The following B4GALNT3 variants were observed in gnomAD, a reference collection of about 807,000 sequenced individuals.
B4GALNT3 encodes beta-1,4-N-acetylgalactosaminyltransferase 3.
B4GALNT3 carries 86 observed loss-of-function variants against 120.2 expected under a neutral mutation model. That is an observed-to-expected ratio of 0.72 (90% CI 0.60 to 0.86). The LOEUF (loss-of-function observed/expected upper bound fraction) is 0.86. Among genes scored for constraint, B4GALNT3 ranks in the 40% least tolerant of loss-of-function variants. The pLI, the probability that B4GALNT3 is intolerant of heterozygous loss-of-function variation, is 0.00. For missense variants in B4GALNT3, 1,167 were observed against 1,298.9 expected (o/e 0.90, Z 1.56); for synonymous variants, 518 against 510.4 (o/e 1.01, Z -0.20).
At chr12:511,469 CCTTCTTCCACCTT>C (rs781022101) in intron 1 of B4GALNT3, among the ~76,000 whole-genome samples, 736 of 44,290 alleles carry the variant, frequency 0.017, 1 homozygote, top group Admixed American at 0.052. Context: ...CCACCTTCCA[CCTTCTTCCACCTT>C]CTTCCACCTT....
At chr12:482,850 C>A (rs1946254467) in intron 1 of B4GALNT3, among the ~76,000 whole-genome samples, 1 of 152,124 alleles carries the variant, frequency 6.6e-6, no homozygotes, top group African/African-American at 2.4e-5. Flanking sequence ...CCAGCCTGGG[C>A]AACATAGTGA....
intron 1 of B4GALNT3, among the ~76,000 whole-genome samples, chr12:476,003 C>G (rs778042846): frequency 2.0e-5 from 3 of 152,214 alleles, no homozygotes; most frequent in Non-Finnish European, 2.9e-5. Context: ...CTGTTGTGCC[C>G]TCCAGGCCAT....
rs372413368 is a variant in B4GALNT3, at chr12:556,625, T to C, written c.2139T>C (p.Leu713=). 32 of 1,613,850 alleles carry C rather than the reference T, an allele frequency of 2.0e-5. 2 individuals are homozygous for C. In the African/African-American group the frequency reaches 2.3e-4, roughly 11 times the overall value. ...QLRGGRYLLE[L]ELLEQGQRVV... Reference sequence around the variant, plus strand: ...GTGGGGGTCGCTACCTCCTGGAGCTTGAACTGTTGGAACAAGGCCAGCGCG... The same window carrying C: ...GTGGGGGTCGCTACCTCCTGGAGCTCGAACTGTTGGAACAAGGCCAGCGCG... Residue 713 remains leucine (L), a synonymous_variant, in exon 15 of 20, where the codon CTT becomes CTC. Transcript: ENST00000266383.
intron 1 of B4GALNT3, among the ~76,000 whole-genome samples, chr12:532,614 A>G (rs1245134298): frequency 6.6e-6 from 1 of 151,970 alleles, no homozygotes; most frequent in Non-Finnish European, 1.5e-5. Flanking sequence ...TGCTAAAGGC[A>G]AGGGTGGGAG....
At chr12:552,885 G>T (rs867300124) in intron 13 of B4GALNT3, 15 of 497,642 alleles carry the variant, frequency 3.0e-5, no homozygotes, top group Non-Finnish European at 4.7e-5. Flanking sequence ...GGATTAGGGC[G>T]TGGCTGGGAC....
intron 19 of B4GALNT3, among the ~76,000 whole-genome samples, chr12:560,228 C>G (rs567294672): frequency 6.6e-6 from 1 of 152,286 alleles, no homozygotes; most frequent in African/African-American, 2.4e-5. Flanking sequence ...GTAACAGCGT[C>G]CACAGGAGGT....
In B4GALNT3 at chr12:520,898, C is replaced by G. The variant is rs146403335; in HGVS notation, c.170-14268C>G. 5.4e-3 allele frequency among the ~76,000 whole-genome samples: 820 copies of G among 152,328 alleles called. 6 individuals carry two copies. The highest frequency in any genetic ancestry group is 0.018 in the African/African-American group (756 of 41,580). On this transcript the variant is annotated intron_variant, in intron 1 of 19. Coordinates refer to ENST00000266383, the MANE Select transcript of B4GALNT3 (RefSeq NM_173593.4). ...CACATTGTCTGCCTGCATGGGAACT[C>G]ACTTTTCCCTGGGAACTCACTTTTC...
chr12:542,266 AG>A (rs1946927083), intron 3 of B4GALNT3, among the ~76,000 whole-genome samples: 1 of 152,042 alleles, frequency 6.6e-6, no homozygotes, highest in Admixed American at 6.5e-5. Flanking sequence ...TCCAGCATTG[AG>A]GCAGTGTTCC....
chr12:526,586 T>C (rs1348107369), intron 1 of B4GALNT3, among the ~76,000 whole-genome samples: 1 of 152,190 alleles, frequency 6.6e-6, no homozygotes, highest in Admixed American at 6.5e-5. Flanking sequence ...GGGTCTTAAG[T>C]CAAAATTCCC....
chr12:559,447 C>G (rs528552783), intron 19 of B4GALNT3, 26 bp downstream of exon 19: 1 of 1,610,988 alleles, frequency 6.2e-7, no homozygotes, highest in Non-Finnish European at 8.5e-7. Flanking sequence ...AGGGCATCCA[C>G]GAGGCCTGGG....
intron 1 of B4GALNT3, among the ~76,000 whole-genome samples, chr12:533,832 G>T (rs140510132): frequency 1.3e-5 from 2 of 152,148 alleles, no homozygotes; most frequent in African/African-American, 4.8e-5. Context: ...GCATTTCAGC[G>T]TGCAGCCCCT....
At position 548,637 on chromosome 12, in the gene B4GALNT3, C is replaced by T. The variant is rs955001677; in HGVS notation, c.853+340C>T. Among the ~76,000 whole-genome samples, 3 of 152,232 alleles carry T rather than the reference C, an allele frequency of 2.0e-5. No homozygotes were observed. The highest frequency in any genetic ancestry group is 2.1e-4 in the South Asian group (1 of 4,820). ...GATCTAAAAACTCTGAGGCTGGGTG[C>T]GGTGGCTCATACCTGTAATCCCAGC... On this transcript the variant is annotated intron_variant, in intron 9 of 19. Transcript: ENST00000266383. The surrounding 1 kb of genome is among the most constrained non-coding windows in gnomAD (Gnocchi z 4.9).
intron 1 of B4GALNT3, among the ~76,000 whole-genome samples, chr12:463,776 G>A (rs375933785): frequency 6.6e-5 from 10 of 152,278 alleles, no homozygotes; most frequent in East Asian, 5.8e-4. Context: ...AAAGAGTTAC[G>A]TCAACAAAGA....
At chr12:530,735 T>A (rs1946798680) in intron 1 of B4GALNT3, among the ~76,000 whole-genome samples, 1 of 151,924 alleles carries the variant, frequency 6.6e-6, no homozygotes. Flanking sequence ...TATGCGAGAG[T>A]CTTAGAAAAA....
chr12:548,124 C>A lies in B4GALNT3; in HGVS notation c.786+22C>A. On this transcript the variant is annotated intron_variant, in intron 8 of 19. Coordinates refer to ENST00000266383, the MANE Select transcript of B4GALNT3 (RefSeq NM_173593.4). The surrounding 1 kb of genome is among the most constrained non-coding windows in gnomAD (Gnocchi z 4.9). ...TGCAGTGAGTTTCCTGCTGCTCCCG[C>A]CTCTCCCAGCTCAGTTCCTGGCACT... 1 of 1,612,582 alleles carries A rather than the reference C, an allele frequency of 6.2e-7. No homozygotes were observed. Among genetic ancestry groups the A allele is most frequent in the Non-Finnish European group, 8.5e-7 (1 of 1,178,618 alleles).
intron 1 of B4GALNT3, among the ~76,000 whole-genome samples, chr12:463,833 T>C (rs942743106): frequency 6.6e-6 from 1 of 151,992 alleles, no homozygotes; most frequent in Non-Finnish European, 1.5e-5. Context: ...AGCAGCTGAG[T>C]TTGGTGAAAC....
Position 553,711 on chromosome 12 carries a change from C to A in B4GALNT3, c.1788C>A (p.Ala596=). ...ATGGGGAGGAGGAAGTGGTGGCGGC[C>A]GCAGGCCAGGAAGGACAAGTGGAGG... is the stretch of plus-strand genomic sequence containing the variant. ...GWHGEEEVVA[A]AGQEGQVEGE... Residue 596 remains alanine, a synonymous_variant, in exon 14 of 20, where the codon GCC becomes GCA. Transcript: ENST00000266383. 1.2e-6 allele frequency: 2 copies of A among 1,613,882 alleles called. No homozygotes were observed. The highest frequency in any genetic ancestry group is 1.7e-6 in the Non-Finnish European group (2 of 1,179,926).
chr12:557,589 G>A lies in B4GALNT3; in HGVS notation c.2381-19G>A, dbSNP rs761652775. On this transcript the variant is annotated intron_variant, in intron 15 of 19. Transcript: ENST00000266383. Reference sequence around the variant, plus strand: ...TGCCTTGTCTGTGTTTCCTTCTCCTGCCTGACCCCCTGGGGTAGTGAAGAA... The same window carrying A: ...TGCCTTGTCTGTGTTTCCTTCTCCTACCTGACCCCCTGGGGTAGTGAAGAA... 1.1e-5 allele frequency: 17 copies of A among 1,600,018 alleles called. No homozygotes were observed. The South Asian group carries it at 1.9e-4, about 18-fold the overall frequency.
intron 1 of B4GALNT3, among the ~76,000 whole-genome samples, chr12:464,501 C>T (rs916148516): frequency 4.6e-5 from 7 of 152,038 alleles, no homozygotes; most frequent in Admixed American, 3.9e-4. Context: ...GGCATGGTGG[C>T]GCACACCTGT....
Sources: gnomAD v4.1 joint callset for allele counts (sites outside exome capture counted in the v4.1 genomes callset) on GRCh38, gnomAD v4.1.1 for gene constraint, Gnocchi (gnomAD v3.1) non-coding constraint, MANE v1.5 for transcripts, NCBI Gene and HGNC (gene_info 2026-07-23, HGNC 2026-07-21) for gene names.